The following RPS6KC1 variants were observed in gnomAD, a reference collection of about 807,000 sequenced individuals.
RPS6KC1 encodes ribosomal protein S6 kinase C1.
RPS6KC1 carries 54 observed loss-of-function variants against 103.8 expected under a neutral mutation model. The observed-to-expected ratio is 0.52, with a 90% CI of 0.42 to 0.65. RPS6KC1 has a LOEUF of 0.65. RPS6KC1 is among the 30% of genes least tolerant of loss of function. The pLI is 0.00. For synonymous variants in RPS6KC1, 439 were observed against 438.7 expected, an observed-to-expected ratio of 1.00 and a Z score of -0.01; for missense variants, 1,151 against 1,253.8, an observed-to-expected ratio of 0.92 and a Z score of 1.24.
chr1:213,854,531 T>G, the RPS6KC1 span, among the ~76,000 whole-genome samples: 1 of 99,636 alleles, frequency 1.0e-5, no homozygotes, highest in Admixed American at 1.0e-4. Context: ...TTTCTTTCTT[T>G]CTTTCTTTCT....
the RPS6KC1 span, among the ~76,000 whole-genome samples, chr1:213,838,584 G>GA: frequency 0.042 from 6,130 of 146,500 alleles, 158 homozygotes; most frequent in East Asian, 0.066. Context: ...ATTTTTCTGA[G>GA]AAAAAAAAAA....
At chr1:213,529,662 A>T in the RPS6KC1 span, among the ~76,000 whole-genome samples, 1 of 152,154 alleles carries the variant, frequency 6.6e-6, no homozygotes, top group Non-Finnish European at 1.5e-5. Flanking sequence ...CGCATAACTT[A>T]TTCTGGTTCA....
the RPS6KC1 span, among the ~76,000 whole-genome samples, chr1:213,493,410 A>G: frequency 6.6e-6 from 1 of 152,212 alleles, no homozygotes. Context: ...CTCACCAAAG[A>G]TCTACTGAAA....
chr1:213,752,417 A>T, the RPS6KC1 span, among the ~76,000 whole-genome samples: 1 of 152,318 alleles, frequency 6.6e-6, no homozygotes, highest in East Asian at 1.9e-4. Flanking sequence ...TGACAAATCG[A>T]TGCCAGGTTT....
At chr1:213,446,463 G>A in the RPS6KC1 span, among the ~76,000 whole-genome samples, 2 of 152,188 alleles carry the variant, frequency 1.3e-5, no homozygotes, top group Admixed American at 6.5e-5. Context: ...AGTTGATGCT[G>A]CAGTCTTTAA....
chr1:213,459,511 A>G, the RPS6KC1 span, among the ~76,000 whole-genome samples: 3 of 151,752 alleles, frequency 2.0e-5, no homozygotes, highest in Non-Finnish European at 4.4e-5. Flanking sequence ...CTAGAGGTCT[A>G]CTTTGTTAAT....
the RPS6KC1 span, among the ~76,000 whole-genome samples, chr1:213,603,564 A>AT: frequency 0.013 from 1,935 of 148,460 alleles, 38 homozygotes; most frequent in African/African-American, 0.044. Context: ...TTTTTTGAGA[A>AT]TTTTTTTTTT....
At chr1:213,661,394 C>T in the RPS6KC1 span, among the ~76,000 whole-genome samples, 2 of 152,146 alleles carry the variant, frequency 1.3e-5, no homozygotes, top group Non-Finnish European at 2.9e-5. Flanking sequence ...CTGGGCGAGC[C>T]TCCTTGTCAG....
intron 8 of RPS6KC1, among the ~76,000 whole-genome samples, chr1:213,184,173 T>G (rs1384163074): frequency 1.3e-5 from 2 of 152,132 alleles, no homozygotes; most frequent in Non-Finnish European, 2.9e-5. Context: ...TACCATACTT[T>G]TAGAGTCAAC....
the RPS6KC1 span, among the ~76,000 whole-genome samples, chr1:213,512,985 C>T: frequency 6.6e-6 from 1 of 152,204 alleles, no homozygotes; most frequent in Non-Finnish European, 1.5e-5. Flanking sequence ...TAAAGATGAG[C>T]ATGTCCTAAT....
the RPS6KC1 span, among the ~76,000 whole-genome samples, chr1:213,544,578 C>T: frequency 6.6e-6 from 1 of 152,160 alleles, no homozygotes; most frequent in Admixed American, 6.5e-5. Flanking sequence ...GGCCTATCTC[C>T]CTGCCATGGA....
chr1:213,501,651 C>A, the RPS6KC1 span, among the ~76,000 whole-genome samples: 4 of 151,406 alleles, frequency 2.6e-5, no homozygotes, highest in Admixed American at 2.6e-4. Flanking sequence ...ATGAGAATTG[C>A]TTGAACCCAG....
chr1:213,083,724 C>T (rs1270407846), intron 3 of RPS6KC1, among the ~76,000 whole-genome samples: 2 of 152,048 alleles, frequency 1.3e-5, no homozygotes, highest in Non-Finnish European at 2.9e-5. Flanking sequence ...TCTGTGTTGG[C>T]CAGCTTCCAA....
chr1:213,160,487 T>C (rs1315951739), intron 6 of RPS6KC1, among the ~76,000 whole-genome samples: 1 of 152,228 alleles, frequency 6.6e-6, no homozygotes, highest in Admixed American at 6.5e-5. Flanking sequence ...GCTACACGGA[T>C]GATGAAGACC....
At chr1:213,683,721 TA>T in the RPS6KC1 span, among the ~76,000 whole-genome samples, 1 of 152,104 alleles carries the variant, frequency 6.6e-6, no homozygotes, top group Non-Finnish European at 1.5e-5. Context: ...CCCCACCCAC[TA>T]GGGACCTTGG....
chr1:213,347,897 G>A, the RPS6KC1 span, among the ~76,000 whole-genome samples: 20 of 152,216 alleles, frequency 1.3e-4, no homozygotes, highest in East Asian at 3.7e-3. Context: ...CACCAGTATG[G>A]CAATAGGACA....
chr1:213,376,936 G>A, the RPS6KC1 span, among the ~76,000 whole-genome samples: 13 of 152,214 alleles, frequency 8.5e-5, no homozygotes, highest in South Asian at 1.9e-3. Flanking sequence ...GCTTGTGGTC[G>A]GGGGGACCTC....
chr1:213,772,226 A>G, the RPS6KC1 span, among the ~76,000 whole-genome samples: 1 of 152,144 alleles, frequency 6.6e-6, no homozygotes, highest in Non-Finnish European at 1.5e-5. Flanking sequence ...CAGCGTGGGT[A>G]AGGAGGCAGC....
At chr1:213,728,614 C>T in the RPS6KC1 span, among the ~76,000 whole-genome samples, 2 of 152,060 alleles carry the variant, frequency 1.3e-5, no homozygotes, top group Admixed American at 1.3e-4. Flanking sequence ...GAGGCAAGAG[C>T]GAACATCACC....
Sources: allele counts gnomAD v4.1 joint callset (sites outside exome capture counted in the v4.1 genomes callset), GRCh38; gene constraint gnomAD v4.1.1; transcripts MANE v1.5; gene names NCBI Gene and HGNC (gene_info 2026-07-23, HGNC 2026-07-21).